Variants in MYT1L observed in about 807,000 individuals in gnomAD.
MYT1L encodes the protein myelin transcription factor 1-like protein.
A neutral mutation model predicts 126.7 loss-of-function variants in MYT1L; 12 were observed. That is an observed-to-expected ratio of 0.09 (90% CI 0.06 to 0.15). The LOEUF (loss-of-function observed/expected upper bound fraction) is 0.15, where lower values mean the gene tolerates loss of function less well. MYT1L is among the 10% of genes least tolerant of loss of function. The probability of loss-of-function intolerance (pLI) is 1.00; values close to 1 mark genes in which losing one functional copy is unlikely to be tolerated. For missense variants in MYT1L, 979 were observed against 1,585.2 expected (o/e 0.62, Z 6.49); for synonymous variants, 541 against 604.2 (o/e 0.90, Z 1.53).
chr2:1,973,180 C>A (rs1416831946), intron 8 of MYT1L, among the ~76,000 whole-genome samples: 1 of 152,148 alleles, frequency 6.6e-6, no homozygotes, highest in Non-Finnish European at 1.5e-5. Context: ...CAAAAATCAC[C>A]ATTTGGAAAT....
intron 5 of MYT1L, among the ~76,000 whole-genome samples, chr2:1,996,923 C>G (rs2061921726): frequency 7.0e-6 from 1 of 142,660 alleles, no homozygotes; most frequent in Admixed American, 7.0e-5. Context: ...CTGCCTTTAC[C>G]TAGTGAGTGA....
chr2:2,272,897 G>T (rs1023506223), intron 2 of MYT1L, among the ~76,000 whole-genome samples: 1 of 152,112 alleles, frequency 6.6e-6, no homozygotes, highest in Admixed American at 6.5e-5. Context: ...GGGCGTCCAG[G>T]TGTCTCCCAT....
chr2:1,830,352 G>A (rs1350738296), intron 21 of MYT1L, among the ~76,000 whole-genome samples: 1 of 152,198 alleles, frequency 6.6e-6, no homozygotes, highest in Non-Finnish European at 1.5e-5. Flanking sequence ...CTGCTGTGAG[G>A]ATTAAGAAGG....
intron 3 of MYT1L, among the ~76,000 whole-genome samples, chr2:2,100,461 A>G (rs535090901): frequency 6.6e-6 from 1 of 152,088 alleles, no homozygotes; most frequent in East Asian, 1.9e-4. Flanking sequence ...AGGCCCACAT[A>G]TTACTGATGT....
chr2:1,837,662 G>A (rs1423628334), intron 21 of MYT1L, among the ~76,000 whole-genome samples: 4 of 151,978 alleles, frequency 2.6e-5, no homozygotes, highest in African/African-American at 4.8e-5. Context: ...AGGGTGAGGC[G>A]GCTCTGTGAC....
intron 18 of MYT1L, among the ~76,000 whole-genome samples, chr2:1,860,421 A>G (rs1319347319): frequency 6.6e-6 from 1 of 152,178 alleles, no homozygotes. Flanking sequence ...GGCCTGACGC[A>G]TTCAAACCAC....
chr2:2,174,363 G>C (rs928826786), intron 2 of MYT1L, among the ~76,000 whole-genome samples: 1 of 152,090 alleles, frequency 6.6e-6, no homozygotes, highest in African/African-American at 2.4e-5. Flanking sequence ...AGGAATTCTT[G>C]CAGTTTCTTC....
chr2:2,080,494 A>G (rs1558947689), intron 3 of MYT1L, among the ~76,000 whole-genome samples: 1 of 152,210 alleles, frequency 6.6e-6, no homozygotes, highest in Non-Finnish European at 1.5e-5. Context: ...AAGACAATAC[A>G]ATTTAATAAT....
intron 21 of MYT1L, among the ~76,000 whole-genome samples, chr2:1,819,410 TCAAA>T (rs762394046): frequency 1.1e-4 from 16 of 152,176 alleles, no homozygotes; most frequent in Non-Finnish European, 2.1e-4. Flanking sequence ...GGCCCACTGC[TCAAA>T]CAATCTATGA....
chr2:2,279,206 A>G (rs1468198556), intron 2 of MYT1L, among the ~76,000 whole-genome samples: 1 of 152,232 alleles, frequency 6.6e-6, no homozygotes, highest in Non-Finnish European at 1.5e-5. Flanking sequence ...AGTTCTGGGT[A>G]CAGAGGACAA....
chr2:2,005,311 C>A (rs1318383732), intron 4 of MYT1L, among the ~76,000 whole-genome samples: 3 of 137,628 alleles, frequency 2.2e-5, no homozygotes, highest in Non-Finnish European at 3.1e-5. Context: ...TTCCTGCGTG[C>A]CTTCTTTCCT....
chr2:2,004,307 G>A (rs1229424389), intron 4 of MYT1L, among the ~76,000 whole-genome samples: 204 of 114,822 alleles, frequency 1.8e-3, no homozygotes, highest in Non-Finnish European at 2.4e-3. Flanking sequence ...TCCTGCATGC[G>A]TTCTTTCCTG....
At chr2:1,883,975 T>C (rs2047884611) in intron 18 of MYT1L, 1 of 152,240 alleles carries the variant, frequency 6.6e-6, no homozygotes, top group Non-Finnish European at 1.5e-5. Flanking sequence ...AAACGTCCCA[T>C]GTTTGCTGCT....
At chr2:2,094,367 T>C (rs1172129521) in intron 3 of MYT1L, among the ~76,000 whole-genome samples, 1 of 152,200 alleles carries the variant, frequency 6.6e-6, no homozygotes, top group Non-Finnish European at 1.5e-5. Flanking sequence ...GTGGCAGTGA[T>C]TTCTCAGGGA....
chr2:1,934,264 C>T (rs1448937491), intron 9 of MYT1L, among the ~76,000 whole-genome samples: 1 of 139,352 alleles, frequency 7.2e-6, no homozygotes, highest in Admixed American at 7.1e-5. Flanking sequence ...TGGGCCACAG[C>T]CCCCCGCCTG....
At chr2:2,236,795 TCTTCTTCTTCTTCTTCTTC>T (rs1250510798) in intron 2 of MYT1L, among the ~76,000 whole-genome samples, 15 of 25,742 alleles carry the variant, frequency 5.8e-4, no homozygotes, top group African/African-American at 1.0e-3. Flanking sequence ...TTCTTCTTCT[TCTTCTTCTTCTTCTTCTTC>T]TTTTTTTTTT....
intron 14 of MYT1L, among the ~76,000 whole-genome samples, chr2:1,901,622 A>G (rs544280212): frequency 2.0e-5 from 3 of 152,256 alleles, no homozygotes; most frequent in Admixed American, 6.5e-5. Flanking sequence ...AAAGATGTGC[A>G]GCAATTCCTG....
At chr2:1,885,033 C>G (rs2048002947) in intron 18 of MYT1L, 1 of 152,220 alleles carries the variant, frequency 6.6e-6, no homozygotes, top group Non-Finnish European at 1.5e-5. Flanking sequence ...CAGTCTCTGA[C>G]CAGTTAGAGG....
chr2:2,050,539 A>C (rs188547058), intron 4 of MYT1L, among the ~76,000 whole-genome samples: 1 of 152,328 alleles, frequency 6.6e-6, no homozygotes, highest in East Asian at 1.9e-4. Flanking sequence ...TTCACGGCTC[A>C]GCAATCACAG....
Sources: allele counts gnomAD v4.1 joint callset (sites outside exome capture counted in the v4.1 genomes callset), GRCh38; gene constraint gnomAD v4.1.1; transcripts MANE v1.5; gene names NCBI Gene and HGNC (gene_info 2026-07-23, HGNC 2026-07-21).